RPH3A: variants seen among roughly 807,000 people sequenced by gnomAD.
The protein encoded by RPH3A is rabphilin 3A.
A neutral mutation model predicts 102.2 loss-of-function variants in RPH3A; 48 were observed. That is an observed-to-expected ratio of 0.47 (90% CI 0.37 to 0.60). RPH3A has a LOEUF of 0.60. Ranked by LOEUF, RPH3A falls within the 20% of genes least tolerant of loss-of-function variation. The probability of loss-of-function intolerance (pLI) is 0.00; values close to 1 mark genes in which losing one functional copy is unlikely to be tolerated. For missense variants in RPH3A, 781 were observed against 910.1 expected, an observed-to-expected ratio of 0.86 and a Z score of 1.83; for synonymous variants, 310 against 324.3, an observed-to-expected ratio of 0.96 and a Z score of 0.47.
At chr12:112,790,064 T>C (rs1361404672), upstream of RPH3A, among the ~76,000 whole-genome samples, 1 of 149,604 alleles carries the variant, frequency 6.7e-6, no homozygotes, top group East Asian at 1.9e-4. Context: ...GTCTTTTTCT[T>C]TTTTTTTTTG....
At chr12:112,603,344 C>T (rs996458263) in intron 1 of RPH3A, among the ~76,000 whole-genome samples, 4 of 152,098 alleles carry the variant, frequency 2.6e-5, no homozygotes, top group Non-Finnish European at 4.4e-5. Context: ...ACCCCAAGAG[C>T]GAGTTCTTGA....
At chr12:112,672,426 G>A (rs1169059403) in intron 1 of RPH3A, among the ~76,000 whole-genome samples, 1 of 152,168 alleles carries the variant, frequency 6.6e-6, no homozygotes, top group Non-Finnish European at 1.5e-5. Flanking sequence ...GGGCACCATG[G>A]CCTAGCCATC....
intron 1 of RPH3A, among the ~76,000 whole-genome samples, chr12:112,608,016 G>A (rs1279766844): frequency 6.6e-6 from 1 of 152,030 alleles, no homozygotes; most frequent in Non-Finnish European, 1.5e-5. Context: ...ATGATTTGCT[G>A]TTCCCAACAC....
At chr12:112,742,230 CTCT>C (rs1206017918) in intron 1 of RPH3A, among the ~76,000 whole-genome samples, 4 of 152,048 alleles carry the variant, frequency 2.6e-5, no homozygotes, top group African/African-American at 9.7e-5. Context: ...TGATAGATGT[CTCT>C]TCTTTGGGCC....
At chr12:112,577,223 C>T (rs376882389) in intron 1 of RPH3A, among the ~76,000 whole-genome samples, 17 of 152,156 alleles carry the variant, frequency 1.1e-4, no homozygotes, top group African/African-American at 2.7e-4. Flanking sequence ...GCATGGGCTG[C>T]GCAGCTGCTT....
chr12:112,794,218 C>A (rs903330222), intron 2 of RPH3A, among the ~76,000 whole-genome samples: 1 of 152,188 alleles, frequency 6.6e-6, no homozygotes, highest in African/African-American at 2.4e-5. Context: ...AGCTGTCTCC[C>A]CTTTCTGGGC....
chr12:112,616,729 C>G (rs972439456), intron 1 of RPH3A, among the ~76,000 whole-genome samples: 7 of 152,216 alleles, frequency 4.6e-5, no homozygotes, highest in African/African-American at 1.7e-4. Context: ...GGAACATTCT[C>G]CTTTCCTTTC....
chr12:112,590,129 T>A (rs1473699492), intron 1 of RPH3A, among the ~76,000 whole-genome samples: 1 of 151,936 alleles, frequency 6.6e-6, no homozygotes, highest in Admixed American at 6.6e-5. Context: ...GGCCAGGCTC[T>A]GGACTGCTTG....
intron 1 of RPH3A, among the ~76,000 whole-genome samples, chr12:112,657,650 G>C (rs1057312701): frequency 1.3e-5 from 2 of 152,086 alleles, no homozygotes; most frequent in African/African-American, 4.8e-5. Flanking sequence ...GTAGGTTTTT[G>C]TGGTCCATCA....
chr12:112,750,039 C>T (rs2040776084), intron 1 of RPH3A, among the ~76,000 whole-genome samples: 1 of 152,090 alleles, frequency 6.6e-6, no homozygotes, highest in African/African-American at 2.4e-5. Context: ...ACGAAGGGGG[C>T]CTCCTTTCTC....
intron 5 of RPH3A, among the ~76,000 whole-genome samples, chr12:112,864,459 AAAAAAAAAAT>A (rs1365233987): frequency 1.3e-5 from 2 of 151,960 alleles, no homozygotes; most frequent in Non-Finnish European, 2.9e-5. Flanking sequence ...AAAAAAAAAA[AAAAAAAAAAT>A]GGATACTATA....
At chr12:112,793,908 G>T (rs1320734756) in intron 2 of RPH3A, among the ~76,000 whole-genome samples, 1 of 152,156 alleles carries the variant, frequency 6.6e-6, no homozygotes, top group Non-Finnish European at 1.5e-5. Context: ...AGGCCTCAGG[G>T]CAGCATCCCC....
chr12:112,721,565 A>C (rs939983613), intron 1 of RPH3A, among the ~76,000 whole-genome samples: 1 of 152,186 alleles, frequency 6.6e-6, no homozygotes, highest in Non-Finnish European at 1.5e-5. Flanking sequence ...TGACAATTAT[A>C]AGCAAAATAA....
intron 1 of RPH3A, among the ~76,000 whole-genome samples, chr12:112,758,303 T>C (rs1592983130): frequency 6.6e-6 from 1 of 152,338 alleles, no homozygotes; most frequent in Middle Eastern, 3.4e-3. Flanking sequence ...TTTTCCTCAC[T>C]CTTACTTCCC....
chr12:112,791,125 A>G (rs1360121811), upstream of RPH3A: 1 of 152,190 alleles, frequency 6.6e-6, no homozygotes, highest in Non-Finnish European at 1.5e-5. Context: ...GCCCCTTAGA[A>G]ATTTCCATTT....
intron 5 of RPH3A, among the ~76,000 whole-genome samples, chr12:112,864,918 C>T (rs544491843): frequency 4.6e-5 from 7 of 152,074 alleles, no homozygotes; most frequent in South Asian, 2.1e-4. Flanking sequence ...CCCCCTGCCA[C>T]GGGGTTTCTG....
At chr12:112,736,112 G>A (rs1373721206) in intron 1 of RPH3A, among the ~76,000 whole-genome samples, 1 of 152,044 alleles carries the variant, frequency 6.6e-6, no homozygotes, top group South Asian at 2.1e-4. Flanking sequence ...ATTTACAGTG[G>A]GGTTTCTCAA....
In RPH3A at chr12:112,686,856, G is replaced by T. The variant is rs145563019; in HGVS notation, c.-139-105287G>T. On this transcript the variant is annotated intron_variant, in intron 1 of 21. Coordinates refer to the RPH3A transcript ENST00000543106. ...AACTGAATTATAAAGGGATGGCTGG[G>T]TGCAGTGGCTCACGCCTGTAATCCT... is the stretch of plus-strand genomic sequence containing the variant. 8.2e-3 allele frequency among the ~76,000 whole-genome samples: 1,255 copies of T among 152,356 alleles called. 18 individuals carry two copies. The highest frequency in any genetic ancestry group is 0.028 in the African/African-American group (1,169 of 41,580).
chr12:112,810,187 G>A (rs933434330), intron 2 of RPH3A, among the ~76,000 whole-genome samples: 1 of 152,136 alleles, frequency 6.6e-6, no homozygotes, highest in African/African-American at 2.4e-5. Flanking sequence ...AGAAAGAGCT[G>A]GAAATCAGGG....
Sources: allele counts gnomAD v4.1 joint callset (sites outside exome capture counted in the v4.1 genomes callset), GRCh38; gene constraint gnomAD v4.1.1; transcripts MANE v1.5; gene names NCBI Gene and HGNC (gene_info 2026-07-23, HGNC 2026-07-21).